The following TBX21 variants were observed in gnomAD, a reference collection of about 807,000 sequenced individuals.
TBX21 encodes T-box transcription factor TBX21.
TBX21 carries 11 observed loss-of-function variants against 52.2 expected under a neutral mutation model. The observed-to-expected ratio is 0.21, with a 90% CI of 0.13 to 0.35. TBX21 has a LOEUF of 0.35. Ranked by LOEUF, TBX21 falls within the 10% of genes least tolerant of loss-of-function variation. The pLI, the probability that TBX21 is intolerant of heterozygous loss-of-function variation, is 1.00. For synonymous variants in TBX21, 300 were observed against 316.1 expected (o/e 0.95, Z 0.54); for missense variants, 625 against 755.1 (o/e 0.83, Z 2.02).
intron 1 of TBX21, among the ~76,000 whole-genome samples, chr17:47,738,335 T>C (rs1258933247): frequency 1.3e-5 from 2 of 152,128 alleles, no homozygotes; most frequent in East Asian, 1.9e-4. Context: ...TTGTTTCTAT[T>C]TTTTGTAGAG....
Position 47,733,990 on chromosome 17 carries a change from G to T in TBX21, c.491+45G>T. The T allele has an allele frequency of 6.2e-7, 1 of 1,611,108 alleles. No homozygotes were observed. Among genetic ancestry groups the T allele is most frequent in the South Asian group, 1.1e-5 (1 of 90,648 alleles). On this transcript the variant is annotated intron_variant, in intron 1 of 5. Coordinates refer to ENST00000177694, the MANE Select transcript of TBX21 (RefSeq NM_013351.2). This position sits in a 1 kb window ranked among gnomAD's most constrained non-coding sequence, Gnocchi z 6.6. ...CCTTGGGGCCTCTGTGCCCGCGCCG[G>T]AACAAGAACGTCTCGTCTGTTTTTC...
At chr17:47,735,804 C>G (rs2032200998) in intron 1 of TBX21, among the ~76,000 whole-genome samples, 1 of 152,232 alleles carries the variant, frequency 6.6e-6, no homozygotes, top group South Asian at 2.1e-4. Context: ...CTCCATCACA[C>G]AGCAGACCAG....
Position 47,745,425 on chromosome 17 carries a change from A to T in TBX21, c.*59A>T, listed in dbSNP as rs1405979298. 6.6e-7 allele frequency: 1 copy of T among 1,521,986 alleles called. No individual in the cohort carries two copies. The highest frequency in any genetic ancestry group is 8.8e-7 in the Non-Finnish European group (1 of 1,138,954). The allele number at this position is 1,521,986 out of a possible 1,614,324, so 94.3% of individuals were successfully genotyped here. ...TTATTAGGTTGGAGGACACCGACTAATTTGGGAAACGGATGAAGGACTGAG... is the reference window on the plus strand; with the variant it reads ...TTATTAGGTTGGAGGACACCGACTATTTTGGGAAACGGATGAAGGACTGAG... On this transcript the variant is annotated 3_prime_UTR_variant, in exon 6 of 6. Transcript: ENST00000177694.
chr17:47,740,772 G>A (rs1567920630), intron 1 of TBX21, among the ~76,000 whole-genome samples: 1 of 152,148 alleles, frequency 6.6e-6, no homozygotes, highest in Non-Finnish European at 1.5e-5. Context: ...CTTATCCAGG[G>A]TCATAGGGTA....
intron 1 of TBX21, among the ~76,000 whole-genome samples, chr17:47,734,266 C>T (rs780316327): frequency 2.0e-5 from 3 of 152,148 alleles, no homozygotes; most frequent in Non-Finnish European, 4.4e-5. Flanking sequence ...CCACTCTCTA[C>T]TGTAGAGGAG....
intron 1 of TBX21, among the ~76,000 whole-genome samples, chr17:47,738,417 T>C (rs1172937907): frequency 2.0e-5 from 3 of 152,026 alleles, no homozygotes; most frequent in Admixed American, 2.0e-4. Context: ...GCTGTCTGAG[T>C]CTATTAAGTG....
chr17:47,742,739 T>C lies in TBX21; in HGVS notation c.621T>C (p.Cys207=), dbSNP rs1248127152. ...WRYQSGKWVQ[C]GKAEGSMPGN... is the part of the protein sequence containing the mutation. ...ACCAGAGCGGCAAGTGGGTGCAGTGTGGAAAGGCCGAGGGCAGCATGCCAG... is the reference window on the plus strand; with the variant it reads ...ACCAGAGCGGCAAGTGGGTGCAGTGCGGAAAGGCCGAGGGCAGCATGCCAG... Residue 207 remains cysteine, a synonymous_variant, in exon 2 of 6, where the codon TGT becomes TGC. Transcript: ENST00000177694. The surrounding 1 kb of genome is among the most constrained non-coding windows in gnomAD (Gnocchi z 4.4). The C allele has an allele frequency of 1.9e-6, 3 of 1,579,710 alleles. No homozygotes were observed. The African/African-American group carries it at 4.0e-5, about 21-fold the overall frequency.
In TBX21 at chr17:47,745,055, C is replaced by A. The variant is rs373817582; in HGVS notation, c.1297C>A (p.Pro433Thr). ...QEVLAPGAGWPVAPQYPPKMG... is the reference protein window; with the variant it reads ...QEVLAPGAGWTVAPQYPPKMG... Reference sequence around the variant, plus strand: ...GGTCCTGGCACCTGGAGCTGGCTGGCCTGTGGCACCCCAGTACCCTCCCAA... The same window carrying A: ...GGTCCTGGCACCTGGAGCTGGCTGGACTGTGGCACCCCAGTACCCTCCCAA... Residue 433 changes from proline to threonine, a missense_variant, in exon 6 of 6, where the codon CCT becomes ACT. By Grantham distance (38) the Pro-to-Thr change is conservative. This residue lies in a region of TBX21 where 261 missense variants were observed against 275.1 expected (regional missense o/e 0.95). Transcript: ENST00000177694. 6.2e-7 allele frequency: 1 copy of A among 1,612,948 alleles called. No homozygotes were observed. Among genetic ancestry groups the A allele is most frequent in the African/African-American group, 1.3e-5 (1 of 75,066 alleles).
Position 47,739,442 on chromosome 17 carries a change from A to G in TBX21, c.492-3168A>G, listed in dbSNP as rs139232949. Among the ~76,000 whole-genome samples, 38 of 150,152 alleles carry G rather than the reference A, an allele frequency of 2.5e-4. No homozygotes were observed. In the East Asian group the frequency reaches 7.3e-3, roughly 29 times the overall value. Reference sequence around the variant, plus strand: ...GGCATTTGAGCAGAGCCTGTGCAGCATAGCAGACTCCATCTCTTAAAAAAA... The same window carrying G: ...GGCATTTGAGCAGAGCCTGTGCAGCGTAGCAGACTCCATCTCTTAAAAAAA... On this transcript the variant is annotated intron_variant, in intron 1 of 5. Transcript: ENST00000177694.
rs767879291 is a variant in TBX21 at position 47,742,643 on chromosome 17, C to G, written c.525C>G (p.Ala175=). 3 of 1,600,712 alleles carry G rather than the reference C, an allele frequency of 1.9e-6. No individual in the cohort carries two copies. The highest frequency in any genetic ancestry group is 2.6e-6 in the Non-Finnish European group (3 of 1,174,724). Residue 175 remains alanine (A), a synonymous_variant, in exon 2 of 6, where the codon GCC becomes GCG. Transcript: ENST00000177694. The surrounding 1 kb of genome is among the most constrained non-coding windows in gnomAD (Gnocchi z 4.4). ...RMFPFLSFTV[A]GLEPTSHYRM... is the part of the protein sequence containing the mutation. ...TCCCATTCCTGTCATTTACTGTGGC[C>G]GGGCTGGAGCCCACCAGCCACTACA...
In TBX21 at chr17:47,742,376, C is replaced by T. The variant is rs557343166; in HGVS notation, c.492-234C>T. ...GGATTACAGGCATGAGCCACTGTGC[C>T]GGGCCTACTTTGACTGTTAATATGT... On this transcript the variant is annotated intron_variant, in intron 1 of 5. Coordinates refer to ENST00000177694, the MANE Select transcript of TBX21 (RefSeq NM_013351.2). The surrounding 1 kb of genome is among the most constrained non-coding windows in gnomAD (Gnocchi z 4.4). Among the ~76,000 whole-genome samples, 3 of 152,264 alleles carry T rather than the reference C, an allele frequency of 2.0e-5. No individual in the cohort carries two copies. Among genetic ancestry groups the T allele is most frequent in the African/African-American group, 4.8e-5 (2 of 41,542 alleles).
At chr17:47,734,475 G>T (rs552866530) in intron 1 of TBX21, among the ~76,000 whole-genome samples, 2 of 151,868 alleles carry the variant, frequency 1.3e-5, no homozygotes, top group East Asian at 3.9e-4. Flanking sequence ...GTGTGTGTAC[G>T]GGGGGAGATT....
chr17:47,744,471 C>T lies in TBX21; in HGVS notation c.928-11C>T. On this transcript the variant is annotated splice_polypyrimidine_tract_variant and intron_variant, in intron 4 of 5. Coordinates refer to ENST00000177694, the MANE Select transcript of TBX21 (RefSeq NM_013351.2). ...TCAGGACTCAGGTGACTCTATTTCC[C>T]TTCTCTCTAGATTACTCAGCTGAAA... 1 of 1,614,154 alleles carries T rather than the reference C, an allele frequency of 6.2e-7. No individual in the cohort carries two copies. The highest frequency in any genetic ancestry group is 8.5e-7 in the Non-Finnish European group (1 of 1,180,018).
chr17:47,734,094 G>C (rs575951738), intron 1 of TBX21, 149 bp downstream of exon 1: 8 of 1,363,004 alleles, frequency 5.9e-6, no homozygotes, highest in East Asian at 4.9e-5. Context: ...GGGGTTGTTA[G>C]GAGGACAGGG....
chr17:47,733,974 C>T lies in TBX21; in HGVS notation c.491+29C>T. ...AGTGCGGCGCGCCGGCCCTTGGGGC[C>T]TCTGTGCCCGCGCCGGAACAAGAAC... On this transcript the variant is annotated intron_variant, in intron 1 of 5. Coordinates refer to ENST00000177694, the MANE Select transcript of TBX21 (RefSeq NM_013351.2). This position sits in a 1 kb window ranked among gnomAD's most constrained non-coding sequence, Gnocchi z 6.6. 2 of 1,612,308 alleles carry T rather than the reference C, an allele frequency of 1.2e-6. No individual in the cohort carries two copies. The highest frequency in any genetic ancestry group is 8.5e-7 in the Non-Finnish European group (1 of 1,179,288).
rs1256600723 is a variant in TBX21, at chr17:47,745,099, G to C, written c.1341G>C (p.Trp447Cys). Residue 447 changes from tryptophan (W) to cysteine (C), a missense_variant, in exon 6 of 6, where the codon TGG becomes TGC. Trp to Cys is a radical substitution (Grantham distance 215). Around this residue, in one of 4 missense-constraint regions of TBX21, gnomAD observed 261 missense variants for 275.1 expected, o/e 0.95. Coordinates refer to ENST00000177694, the MANE Select transcript of TBX21 (RefSeq NM_013351.2). The stretch of plus-strand genomic sequence containing the variant: ...CTCCCAAGATGGGCCCGGCCAGCTG[G>C]TTCCGCCCTATGCGGACTCTGCCCA... The part of the protein sequence containing the change: ...QYPPKMGPAS[W>C]FRPMRTLPME... 1 of 1,613,944 alleles carries C rather than the reference G, an allele frequency of 6.2e-7. No individual in the cohort carries two copies. The highest frequency in any genetic ancestry group is 8.5e-7 in the Non-Finnish European group (1 of 1,180,020).
In TBX21 at chr17:47,733,851, G is replaced by A. The variant is rs1288622181; in HGVS notation, c.397G>A (p.Val133Met). The A allele has an allele frequency of 4.3e-6, 7 of 1,612,150 alleles. No individual in the cohort carries two copies. The highest frequency in any genetic ancestry group is 5.9e-6 in the Non-Finnish European group (7 of 1,179,546). ...CTACGCGCTACCCGCGGGACTGGAG[G>A]TGTCGGGGAAACTGAGGGTCGCGCT... is the stretch of plus-strand genomic sequence containing the variant. ...EDYALPAGLE[V>M]SGKLRVALNN... The change falls in exon 1 of 6, where the codon GTG becomes ATG. Residue 133 changes from valine to methionine, a missense_variant. Transcript: ENST00000177694. This position sits in a 1 kb window ranked among gnomAD's most constrained non-coding sequence, Gnocchi z 6.6.
chr17:47,744,587 C>T (rs765023463), intron 5 of TBX21, 44 bp downstream of exon 5: 1 of 1,612,052 alleles, frequency 6.2e-7, no homozygotes, highest in East Asian at 2.2e-5. Context: ...CCTCCTGAGA[C>T]ACATCCTCTC....
In TBX21 at chr17:47,742,550, G is replaced by A. The variant is rs1236880782; in HGVS notation, c.492-60G>A. On this transcript the variant is annotated intron_variant, in intron 1 of 5. Transcript: ENST00000177694. This position sits in a 1 kb window ranked among gnomAD's most constrained non-coding sequence, Gnocchi z 4.4. ...CACTGATGCCTGGGCACTGTTGCAG[G>A]GGGGACTGGCTGTCAAGCTGGAGCT... 4.6e-6 allele frequency: 7 copies of A among 1,518,562 alleles called. No homozygotes were observed. Among genetic ancestry groups the A allele is most frequent in the Non-Finnish European group, 6.2e-6 (7 of 1,128,336 alleles). 94.1% of individuals were successfully genotyped at this position (1,518,562 alleles called of 1,614,324 possible).
Sources: gnomAD v4.1 joint callset for allele counts (sites outside exome capture counted in the v4.1 genomes callset) on GRCh38, gnomAD v4.1.1 for gene constraint, gnomAD v4.1.1 regional missense constraint, Gnocchi (gnomAD v3.1) non-coding constraint, MANE v1.5 for transcripts, NCBI Gene and HGNC (gene_info 2026-07-23, HGNC 2026-07-21) for gene names.